Variants in GRID2 observed in about 807,000 individuals in gnomAD.
GRID2 encodes glutamate ionotropic receptor delta type subunit 2.
Under a neutral mutation model 114.8 loss-of-function variants are expected in GRID2, and 33 were observed. The observed-to-expected ratio is 0.29, with a 90% confidence interval of 0.22 to 0.38. The LOEUF (loss-of-function observed/expected upper bound fraction) is 0.38, where lower values mean the gene tolerates loss of function less well. Among genes scored for constraint, GRID2 ranks in the 10% least tolerant of loss-of-function variants. The pLI is 1.00. For missense variants in GRID2, 1,184 were observed against 1,257.7 expected, an observed-to-expected ratio of 0.94 and a Z score of 0.89; for synonymous variants, 505 against 449.9, an observed-to-expected ratio of 1.12 and a Z score of -1.55.
At chr4:92,976,541 G>A (rs946239422) in intron 2 of GRID2, among the ~76,000 whole-genome samples, 4 of 151,758 alleles carry the variant, frequency 2.6e-5, no homozygotes, top group African/African-American at 9.7e-5. Flanking sequence ...TTTTAATTCT[G>A]GGATATTTTG....
At chr4:92,450,795 T>G (rs2149078295) in intron 1 of GRID2, among the ~76,000 whole-genome samples, 1 of 149,946 alleles carries the variant, frequency 6.7e-6, no homozygotes, top group South Asian at 2.1e-4. Context: ...TTAATAAATT[T>G]AAATTTAAAA....
intron 10 of GRID2, among the ~76,000 whole-genome samples, chr4:93,431,350 A>G (rs1427187239): frequency 6.6e-6 from 1 of 152,226 alleles, no homozygotes; most frequent in African/African-American, 2.4e-5. Context: ...CACATGGAGT[A>G]AGAGGATCAC....
At chr4:93,562,406 A>G (rs983463789) in intron 13 of GRID2, among the ~76,000 whole-genome samples, 1 of 151,830 alleles carries the variant, frequency 6.6e-6, no homozygotes, top group African/African-American at 2.4e-5. Context: ...TTTTCTTAGC[A>G]TTGAATTTTA....
At chr4:93,483,879 T>C (rs887442641) in intron 11 of GRID2, among the ~76,000 whole-genome samples, 6 of 151,880 alleles carry the variant, frequency 4.0e-5, no homozygotes, top group Non-Finnish European at 7.4e-5. Context: ...CACTCTGAAG[T>C]GTCATGAAGT....
intron 2 of GRID2, among the ~76,000 whole-genome samples, chr4:93,078,492 A>G (rs1271812166): frequency 6.6e-6 from 1 of 151,356 alleles, no homozygotes; most frequent in Non-Finnish European, 1.5e-5. Flanking sequence ...TTATATATAT[A>G]ATATACAGGT....
intron 4 of GRID2, among the ~76,000 whole-genome samples, chr4:93,126,643 G>A (rs1258257205): frequency 1.7e-5 from 2 of 120,422 alleles, no homozygotes; most frequent in African/African-American, 6.6e-5. Context: ...TGTCACCCAG[G>A]CTGGAGTGCA....
chr4:93,678,036 T>A (rs1725089106), intron 14 of GRID2, among the ~76,000 whole-genome samples: 1 of 151,876 alleles, frequency 6.6e-6, no homozygotes, highest in Admixed American at 6.6e-5. Context: ...TGGAAAAAAT[T>A]TAGACGAATG....
chr4:93,440,534 C>T (rs1416145239), intron 10 of GRID2, among the ~76,000 whole-genome samples: 4 of 151,942 alleles, frequency 2.6e-5, no homozygotes, highest in African/African-American at 9.7e-5. Context: ...TACATGTTTG[C>T]ACGTCTGAAT....
At chr4:93,485,815 G>A (rs1443207997) in intron 11 of GRID2, among the ~76,000 whole-genome samples, 1 of 151,436 alleles carries the variant, frequency 6.6e-6, no homozygotes, top group African/African-American at 2.4e-5. Context: ...AGAGTATCTT[G>A]GCAATTTTTG....
chr4:93,809,180 C>CCTAT (rs1735086935), exon 2 of GRID2: 1 of 151,898 alleles, frequency 6.6e-6, no homozygotes, highest in South Asian at 2.1e-4. Flanking sequence ...CAGCATTTTT[C>CCTAT]CTATCTATCT....
intron 11 of GRID2, among the ~76,000 whole-genome samples, chr4:93,475,204 A>G (rs750617883): frequency 3.3e-5 from 5 of 152,142 alleles, no homozygotes; most frequent in Admixed American, 1.3e-4. Flanking sequence ...AATTATTTTA[A>G]CCATTTTTAA....
intron 13 of GRID2, among the ~76,000 whole-genome samples, chr4:93,580,246 C>A (rs1378463925): frequency 6.6e-6 from 1 of 152,174 alleles, no homozygotes; most frequent in Non-Finnish European, 1.5e-5. Context: ...GCAGCCATAT[C>A]AACAGATCAG....
At chr4:92,638,066 G>T (rs547774322) in intron 2 of GRID2, among the ~76,000 whole-genome samples, 10 of 151,998 alleles carry the variant, frequency 6.6e-5, no homozygotes, top group African/African-American at 2.4e-4. Context: ...CTCCTGACAT[G>T]TATAGCTCAC....
intron 4 of GRID2, among the ~76,000 whole-genome samples, chr4:93,113,214 T>C (rs1732930915): frequency 6.6e-6 from 1 of 152,226 alleles, no homozygotes; most frequent in Admixed American, 6.5e-5. Context: ...TACTTACTGC[T>C]TTCTTTTCTA....
Position 93,377,608 on chromosome 4 carries a change from A to C in GRID2, c.1246-17999A>C, listed in dbSNP as rs560837550. 3.5e-4 allele frequency among the ~76,000 whole-genome samples: 54 copies of C among 152,322 alleles called. 1 individual carries two copies. In the South Asian group the frequency reaches 0.011, roughly 31 times the overall value. ...AGCTCAATAAGTTTAGACTTCACAC[A>C]ATAGTGCTTGTCATTTTTTACCCTC... On this transcript the variant is annotated intron_variant, in intron 8 of 15. Coordinates refer to ENST00000282020, the MANE Select transcript of GRID2 (RefSeq NM_001510.4).
intron 2 of GRID2, among the ~76,000 whole-genome samples, chr4:92,849,244 A>G (rs1743577107): frequency 6.6e-6 from 1 of 151,856 alleles, no homozygotes; most frequent in South Asian, 2.1e-4. Context: ...ACTATAATTT[A>G]CCTATCAGAT....
chr4:93,728,690 T>G (rs1411976817), intron 14 of GRID2, among the ~76,000 whole-genome samples: 2 of 152,218 alleles, frequency 1.3e-5, no homozygotes, highest in Non-Finnish European at 2.9e-5. Context: ...TGCATATATA[T>G]TTAGGATAGG....
At chr4:92,397,382 G>A (rs1039866378) in intron 1 of GRID2, among the ~76,000 whole-genome samples, 1 of 138,138 alleles carries the variant, frequency 7.2e-6, no homozygotes, top group Admixed American at 7.8e-5. Context: ...GTGTGTGTGT[G>A]TGTTTCTCCA....
intron 2 of GRID2, among the ~76,000 whole-genome samples, chr4:92,658,818 T>TACAC (rs1553913516): frequency 1.7e-5 from 1 of 60,488 alleles, no homozygotes; most frequent in African/African-American, 4.8e-5. Context: ...TATATATATA[T>TACAC]ACACACACAC....
Sources: allele counts gnomAD v4.1 joint callset (sites outside exome capture counted in the v4.1 genomes callset), GRCh38; gene constraint gnomAD v4.1.1; transcripts MANE v1.5; gene names NCBI Gene and HGNC (gene_info 2026-07-23, HGNC 2026-07-21).